ENPP2: variants seen among roughly 807,000 people sequenced by gnomAD.
ENPP2 encodes the protein ectonucleotide pyrophosphatase/phosphodiesterase 2, also known as autotaxin.
A neutral mutation model predicts 120.2 loss-of-function variants in ENPP2; 51 were observed. The ratio of observed to expected loss-of-function variants is 0.42; its 90% CI spans 0.34 to 0.54. The LOEUF is 0.54. Ranked by LOEUF, ENPP2 falls within the 20% of genes least tolerant of loss-of-function variation. The pLI is 0.04. For missense variants in ENPP2, 920 were observed against 1,066.5 expected (o/e 0.86, Z 1.91); for synonymous variants, 365 against 366.4 (o/e 1.00, Z 0.04).
chr8:119,636,604 T>C (rs1209330627), intron 2 of ENPP2, among the ~76,000 whole-genome samples: 1 of 152,268 alleles, frequency 6.6e-6, no homozygotes, highest in Non-Finnish European at 1.5e-5. Context: ...ATATAGACCA[T>C]ACTACTTTTC....
At chr8:119,612,409 CCCCT>C (rs1815172761) in intron 8 of ENPP2, among the ~76,000 whole-genome samples, 1 of 152,154 alleles carries the variant, frequency 6.6e-6, no homozygotes, top group African/African-American at 2.4e-5. Flanking sequence ...ATCAAGTCAA[CCCCT>C]TTTGGCCTGG....
intron 1 of ENPP2, among the ~76,000 whole-genome samples, chr8:119,671,313 GA>G (rs1464470982): frequency 6.6e-6 from 1 of 151,902 alleles, no homozygotes; most frequent in Non-Finnish European, 1.5e-5. Context: ...AAAAAAGAAA[GA>G]AAGATCATTT....
intron 2 of ENPP2, among the ~76,000 whole-genome samples, chr8:119,636,830 C>T (rs893957338): frequency 1.3e-5 from 2 of 151,778 alleles, no homozygotes; most frequent in South Asian, 4.2e-4. Context: ...TCTAAGTCTG[C>T]TCCTCATTGT....
At chr8:119,569,064 G>T (rs2130063739) in intron 21 of ENPP2, among the ~76,000 whole-genome samples, 171 bp downstream of exon 21, 1 of 152,150 alleles carries the variant, frequency 6.6e-6, no homozygotes, top group East Asian at 1.9e-4. Flanking sequence ...AGATTTTTTT[G>T]AAAGCTAGTC....
intron 9 of ENPP2, among the ~76,000 whole-genome samples, chr8:119,607,542 GC>G (rs1321487920): frequency 2.0e-5 from 3 of 152,094 alleles, no homozygotes; most frequent in Non-Finnish European, 4.4e-5. Context: ...GGGAGTGGTA[GC>G]AGGTGCCTGT....
chr8:119,605,498 T>C (rs2130610977), intron 9 of ENPP2, among the ~76,000 whole-genome samples: 2 of 150,442 alleles, frequency 1.3e-5, no homozygotes, highest in East Asian at 3.9e-4. Context: ...TTCACTCTTG[T>C]TGCCCAGGTT....
chr8:119,609,558 C>A (rs1175905832), intron 8 of ENPP2, among the ~76,000 whole-genome samples: 2 of 152,222 alleles, frequency 1.3e-5, no homozygotes, highest in Non-Finnish European at 2.9e-5. Context: ...GAACCCCAGC[C>A]CAACTAGGGT....
At chr8:119,643,060 C>G (rs957297447), upstream of ENPP2, among the ~76,000 whole-genome samples, 2 of 152,060 alleles carry the variant, frequency 1.3e-5, no homozygotes, top group Non-Finnish European at 1.5e-5. Flanking sequence ...AATTATTAAC[C>G]ATGTCATTTT....
intron 11 of ENPP2, among the ~76,000 whole-genome samples, chr8:119,597,023 T>C (rs1003440231): frequency 3.3e-5 from 5 of 152,056 alleles, no homozygotes; most frequent in Non-Finnish European, 7.4e-5. Context: ...TTGAGAGCCA[T>C]TCAGATGCAG....
intron 12 of ENPP2, among the ~76,000 whole-genome samples, chr8:119,593,349 G>C (rs930949843): frequency 1.3e-5 from 2 of 152,162 alleles, no homozygotes; most frequent in Middle Eastern, 3.4e-3. Context: ...ATCATATTTA[G>C]ATGTATTTTT....
In ENPP2 at chr8:119,668,429, CTT is replaced by C. The variant is rs5894492; in HGVS notation, c.21+4821_21+4822del. Among the ~76,000 whole-genome samples the C allele has an allele frequency of 5.6e-3, 617 of 110,452 alleles. 1 individual carries two copies. The highest frequency in any genetic ancestry group is 0.017 in the African/African-American group (488 of 29,276). The allele number at this position is 110,452 out of a possible 152,430, so 72.5% of individuals were successfully genotyped here. On this transcript the variant is annotated intron_variant, in intron 1 of 25. Transcript: ENST00000427067. ...TCTTTTTCTTTTTCTTTTTCTTTTT[CTT>C]TTTTTTTTTTTTTTTTGAGACAGAG...
upstream of ENPP2, among the ~76,000 whole-genome samples, chr8:119,641,732 G>T (rs1004449070): frequency 2.0e-5 from 3 of 152,150 alleles, no homozygotes; most frequent in African/African-American, 7.2e-5. Flanking sequence ...TGATTCATTA[G>T]GTCTGGCAGG....
intron 3 of ENPP2, among the ~76,000 whole-genome samples, chr8:119,624,321 C>A (rs1563746815): frequency 6.6e-6 from 1 of 151,892 alleles, no homozygotes; most frequent in African/African-American, 2.4e-5. Flanking sequence ...AATATTTAAC[C>A]TTATTGGAAA....
At chr8:119,561,184 T>C (rs116042396) in intron 24 of ENPP2, among the ~76,000 whole-genome samples, 1,616 of 152,328 alleles carry the variant, frequency 0.011, 29 homozygotes, top group African/African-American at 0.036. Flanking sequence ...TCTACATTCA[T>C]AGCCTCAATC....
intron 1 of ENPP2, among the ~76,000 whole-genome samples, chr8:119,649,367 A>C (rs1001341646): frequency 6.6e-6 from 1 of 151,120 alleles, no homozygotes; most frequent in African/African-American, 2.4e-5. Flanking sequence ...GTGCCAATGC[A>C]CTCCAGCCTG....
chr8:119,570,161 C>A (rs180905639), intron 20 of ENPP2, among the ~76,000 whole-genome samples: 305 of 151,326 alleles, frequency 2.0e-3, no homozygotes, highest in Middle Eastern at 0.01. Context: ...TCCAGCTACT[C>A]GGGAGGCTGA....
intron 2 of ENPP2, among the ~76,000 whole-genome samples, chr8:119,627,075 G>A (rs138279984): frequency 6.6e-6 from 1 of 152,100 alleles, no homozygotes; most frequent in East Asian, 1.9e-4. Context: ...GTGATGATTA[G>A]TGCCCCTGTG....
intron 12 of ENPP2, among the ~76,000 whole-genome samples, chr8:119,592,474 A>C (rs1361843435): frequency 1.8e-5 from 1 of 55,096 alleles, no homozygotes; most frequent in African/African-American, 1.1e-4. Context: ...ACTCCACCTC[A>C]AAAAAAAAAA....
chr8:119,561,307 C>G (rs898928731), intron 24 of ENPP2, among the ~76,000 whole-genome samples: 7 of 152,254 alleles, frequency 4.6e-5, no homozygotes, highest in East Asian at 1.9e-4. Context: ...ATTTCCATAC[C>G]TGTTTTATTT....
Sources: gnomAD v4.1 joint callset for allele counts (sites outside exome capture counted in the v4.1 genomes callset) on GRCh38, gnomAD v4.1.1 for gene constraint, MANE v1.5 for transcripts, NCBI Gene and HGNC (gene_info 2026-07-23, HGNC 2026-07-21) for gene names.